LRBA: variants seen among roughly 807,000 people sequenced by gnomAD.
The protein encoded by LRBA is lipopolysaccharide-responsive and beige-like anchor protein.
LRBA carries 176 observed loss-of-function variants against 330.0 expected under a neutral mutation model. That is an observed-to-expected ratio of 0.53 (90% CI 0.47 to 0.60). LRBA has a LOEUF of 0.60. LRBA is among the 20% of genes least tolerant of loss of function. The probability of loss-of-function intolerance (pLI) is 0.00; values close to 1 mark genes in which losing one functional copy is unlikely to be tolerated. For synonymous variants in LRBA, 1,230 were observed against 1,193.0 expected, an observed-to-expected ratio of 1.03 and a Z score of -0.64; for missense variants, 3,259 against 3,444.8, an observed-to-expected ratio of 0.95 and a Z score of 1.35.
intron 40 of LRBA, among the ~76,000 whole-genome samples, chr4:150,587,694 G>C (rs1772291730): frequency 6.6e-6 from 1 of 151,802 alleles, no homozygotes; most frequent in Non-Finnish European, 1.5e-5. Context: ...AAACATAAAG[G>C]CTAAACAAAA....
intron 35 of LRBA, 51 bp downstream of exon 35, chr4:150,761,732 A>T: frequency 8.0e-7 from 1 of 1,250,000 alleles, no homozygotes; most frequent in Non-Finnish European, 1.1e-6. Context: ...TATAGGAAAA[A>T]CCCAAGATTT....
intron 37 of LRBA, among the ~76,000 whole-genome samples, chr4:150,626,117 T>C (rs151053622): frequency 2.6e-5 from 4 of 152,258 alleles, no homozygotes; most frequent in African/African-American, 9.6e-5. Flanking sequence ...TTTTCTATGC[T>C]ACTGAGCAGC....
At chr4:150,435,156 C>G (rs1020102472) in intron 46 of LRBA, among the ~76,000 whole-genome samples, 6 of 151,926 alleles carry the variant, frequency 3.9e-5, no homozygotes, top group African/African-American at 1.2e-4. Context: ...ACCAGTCTGG[C>G]CAACATGGTG....
intron 40 of LRBA, among the ~76,000 whole-genome samples, chr4:150,569,548 A>G (rs369719335): frequency 4.6e-5 from 7 of 152,250 alleles, no homozygotes; most frequent in African/African-American, 1.2e-4. Context: ...TGGACGGTTC[A>G]TTAGTCATAA....
At chr4:150,274,980 A>G (rs909503300) in intron 56 of LRBA, among the ~76,000 whole-genome samples, 1 of 152,228 alleles carries the variant, frequency 6.6e-6, no homozygotes, top group Non-Finnish European at 1.5e-5. Flanking sequence ...CAAGAAAGAA[A>G]GAAAATTTCA....
chr4:150,409,445 G>A (rs892142827), intron 47 of LRBA, among the ~76,000 whole-genome samples: 2 of 152,044 alleles, frequency 1.3e-5, no homozygotes, highest in African/African-American at 4.8e-5. Context: ...TGCAATACTA[G>A]CTCTATAATG....
chr4:150,694,695 T>G, intron 36 of LRBA, among the ~76,000 whole-genome samples: 1 of 149,938 alleles, frequency 6.7e-6, no homozygotes. Flanking sequence ...CCCTCCTCCC[T>G]TCCCCCCATA....
In LRBA at chr4:150,563,940, G is replaced by A. The variant is rs902820008; in HGVS notation, c.6330+24108C>T. On this transcript the variant is annotated intron_variant, in intron 40 of 56. Coordinates refer to ENST00000651943, the MANE Select transcript of LRBA (RefSeq NM_001364905.1). ...CTCATGGATAGGAAGAATCAATATC[G>A]TGAAAATGGTCATACTGCCCAAGGT... 5.9e-5 allele frequency among the ~76,000 whole-genome samples: 9 copies of A among 152,220 alleles called. No homozygotes were observed. In the South Asian group the frequency reaches 6.2e-4, roughly 11 times the overall value.
intron 50 of LRBA, among the ~76,000 whole-genome samples, chr4:150,316,149 G>A (rs1275899075): frequency 6.6e-6 from 1 of 152,048 alleles, no homozygotes; most frequent in African/African-American, 2.4e-5. Context: ...AAAGCTATCC[G>A]CAGATAAATG....
intron 13 of LRBA, among the ~76,000 whole-genome samples, chr4:150,902,035 A>G (rs1205809376): frequency 6.6e-6 from 1 of 152,218 alleles, no homozygotes; most frequent in Admixed American, 6.5e-5. Flanking sequence ...AAAAACACTT[A>G]TATTTAAGCA....
At chr4:150,724,820 G>A (rs1729435467) in intron 36 of LRBA, among the ~76,000 whole-genome samples, 1 of 150,124 alleles carries the variant, frequency 6.7e-6, no homozygotes, top group South Asian at 2.1e-4. Context: ...CAGCCTGGGT[G>A]ATAGAGCCAG....
At chr4:150,816,691 G>A (rs1744644710) in intron 31 of LRBA, among the ~76,000 whole-genome samples, 1 of 151,674 alleles carries the variant, frequency 6.6e-6, no homozygotes, top group Non-Finnish European at 1.5e-5. Context: ...CAAAGTATTG[G>A]ACACTATATA....
At chr4:150,950,144 T>C (rs866215522) in intron 2 of LRBA, among the ~76,000 whole-genome samples, 7 of 152,154 alleles carry the variant, frequency 4.6e-5, no homozygotes, top group Admixed American at 1.3e-4. Context: ...CTACAGTAAA[T>C]TCTGTCATGT....
At chr4:150,729,586 G>A (rs951840139) in intron 36 of LRBA, among the ~76,000 whole-genome samples, 5 of 152,102 alleles carry the variant, frequency 3.3e-5, no homozygotes, top group African/African-American at 1.2e-4. Context: ...GTAATCTACA[G>A]ATTCAATGCA....
rs551659448 is a variant in LRBA, at chr4:150,504,826, G to A, written c.6331-13791C>T. Among the ~76,000 whole-genome samples the A allele has an allele frequency of 9.0e-3, 1,363 of 152,202 alleles. 23 individuals are homozygous for A. Among genetic ancestry groups the A allele is most frequent in the African/African-American group, 0.031 (1,285 of 41,538 alleles). The stretch of plus-strand genomic sequence containing the variant: ...ACCCATCAGTGTGCTGTATTCAGGA[G>A]ACCCATCTCACATGCAGAGACACAC... On this transcript the variant is annotated intron_variant, in intron 40 of 56. Coordinates refer to ENST00000651943, the MANE Select transcript of LRBA (RefSeq NM_001364905.1).
rs149855785 is a variant in LRBA at position 150,321,756 on chromosome 4, C to G, written c.7453-388G>C. On this transcript the variant is annotated intron_variant, in intron 49 of 56. Transcript: ENST00000651943. The surrounding 1 kb of genome is among the most constrained non-coding windows in gnomAD (Gnocchi z 4.5). ...GGTTGCTATCGTGTCACATAATGAT[C>G]TTTTAGCACTAAAAAAACAGTAAGA... Among the ~76,000 whole-genome samples, 1,647 of 152,192 alleles carry G rather than the reference C, an allele frequency of 0.011. 26 individuals carry two copies. The highest frequency in any genetic ancestry group is 0.038 in the African/African-American group (1,564 of 41,512).
At chr4:150,409,849 T>G (rs2151943350) in intron 47 of LRBA, among the ~76,000 whole-genome samples, 1 of 152,208 alleles carries the variant, frequency 6.6e-6, no homozygotes, top group South Asian at 2.1e-4. Context: ...ACAATAGTAA[T>G]TTTAGACTCT....
In LRBA at chr4:150,513,978, C is replaced by A. The variant is rs548281407; in HGVS notation, c.6331-22943G>T. Among the ~76,000 whole-genome samples, 170 of 152,288 alleles carry A rather than the reference C, an allele frequency of 1.1e-3. 1 individual carries two copies. The highest frequency in any genetic ancestry group is 4.0e-3 in the African/African-American group (167 of 41,556). ...TGTGCTGTAAGTCTTTGTCCCTAAC[C>A]TTTGTCCTATGTCTTCTGCCAACAT... is the stretch of plus-strand genomic sequence containing the variant. On this transcript the variant is annotated intron_variant, in intron 40 of 56. Coordinates refer to ENST00000651943, the MANE Select transcript of LRBA (RefSeq NM_001364905.1).
intron 46 of LRBA, among the ~76,000 whole-genome samples, chr4:150,430,303 G>A (rs1750204702): frequency 6.6e-6 from 1 of 152,132 alleles, no homozygotes; most frequent in African/African-American, 2.4e-5. Context: ...ACCAATCACA[G>A]CGGTCTCTTA....
Sources: gnomAD v4.1 joint callset for allele counts (sites outside exome capture counted in the v4.1 genomes callset) on GRCh38, gnomAD v4.1.1 for gene constraint, Gnocchi (gnomAD v3.1) non-coding constraint, MANE v1.5 for transcripts, NCBI Gene and HGNC (gene_info 2026-07-23, HGNC 2026-07-21) for gene names.